The following CDKL5 variants were observed in gnomAD, a reference collection of about 807,000 sequenced individuals.
CDKL5 encodes the protein cyclin-dependent kinase-like 5.
In CDKL5, 8 loss-of-function variants were observed where a neutral mutation model predicts 61.7. The observed-to-expected ratio is 0.13, with a 90% CI of 0.08 to 0.23. CDKL5 has a LOEUF of 0.23. Among genes scored for constraint, CDKL5 ranks in the 10% least tolerant of loss-of-function variants. CDKL5 has a pLI of 1.00. For missense variants in CDKL5, 440 were observed against 734.5 expected, an observed-to-expected ratio of 0.60 and a Z score of 4.63; for synonymous variants, 275 against 272.3, an observed-to-expected ratio of 1.01 and a Z score of -0.10.
rs771218501 is a variant in CDKL5, at chrX:18,631,353, C to T, written c.*2596C>T. The T allele has an allele frequency of 1.3e-6, 1 of 752,935 alleles. No individual in the cohort carries two copies. Among genetic ancestry groups the T allele is most frequent in the Admixed American group, 8.7e-5 (1 of 11,492 alleles). The allele number at this position is 752,935 out of a possible 1,213,427, so 62.1% of individuals were successfully genotyped here. A position where few individuals can be genotyped will look rare whatever the true frequency, so the allele number is the denominator to read the frequency against. On this transcript the variant is annotated 3_prime_UTR_variant, in exon 18 of 18. Coordinates refer to ENST00000623535, the MANE Select transcript of CDKL5 (RefSeq NM_001323289.2). The stretch of plus-strand genomic sequence containing the variant: ...TCTTCTCAGCTTTTGTCTGTTCTGA[C>T]TTTTCATCCAATAAGCTGTAAGTGA...
intron 17 of CDKL5, among the ~76,000 whole-genome samples, chrX:18,625,498 T>G (rs1251439115): frequency 9.0e-6 from 1 of 111,392 alleles, no homozygotes; most frequent in Non-Finnish European, 1.9e-5. Flanking sequence ...CAACTGAAGA[T>G]GTAGTCCCAG....
intron 15 of CDKL5, among the ~76,000 whole-genome samples, chrX:18,618,799 T>C (rs1261280798): frequency 9.0e-6 from 1 of 110,578 alleles, no homozygotes; most frequent in Non-Finnish European, 1.9e-5. Context: ...TAAAACCCTG[T>C]CTCTACTGAA....
intron 3 of CDKL5, among the ~76,000 whole-genome samples, chrX:18,518,385 CTTATTTTTTTTTTTTTTT>C (rs1923110372): frequency 1.8e-4 from 4 of 22,794 alleles, no homozygotes; most frequent in African/African-American, 6.1e-4. Context: ...CTTTTCTTTT[CTTATTTTTTTTTTTTTTT>C]TTTTTTTTTT....
intron 3 of CDKL5, among the ~76,000 whole-genome samples, chrX:18,523,275 ACT>A (rs756815953): frequency 6.3e-5 from 7 of 110,373 alleles, no homozygotes; most frequent in Non-Finnish European, 1.1e-4. Context: ...TTAAGCAATA[ACT>A]CTCTAATTCC....
chrX:18,554,881 G>A (rs1037814580), intron 3 of CDKL5, among the ~76,000 whole-genome samples: 2 of 110,801 alleles, frequency 1.8e-5, no homozygotes, highest in Admixed American at 1.9e-4. Context: ...TTCTTTCATA[G>A]CATATTAATC....
intron 1 of CDKL5, among the ~76,000 whole-genome samples, chrX:18,461,462 G>T (rs1469723772): frequency 1.8e-5 from 2 of 111,984 alleles, no homozygotes; most frequent in African/African-American, 6.5e-5. Flanking sequence ...TCATTCAAAA[G>T]ACCTTAAAAG....
chrX:18,570,064 A>T (rs1179956321), intron 4 of CDKL5, among the ~76,000 whole-genome samples: 1 of 111,507 alleles, frequency 9.0e-6, no homozygotes, highest in African/African-American at 3.3e-5. Flanking sequence ...GTTTACCCAG[A>T]CACTGGAAAG....
chrX:18,452,560 G>A (rs772438410), intron 1 of CDKL5, among the ~76,000 whole-genome samples: 60 of 109,825 alleles, frequency 5.5e-4, no homozygotes, highest in African/African-American at 1.7e-3. Flanking sequence ...CAAGTAGCTG[G>A]GATTACAGGC....
chrX:18,590,945 C>T (rs1044828974), intron 9 of CDKL5, among the ~76,000 whole-genome samples: 5 of 111,560 alleles, frequency 4.5e-5, no homozygotes, highest in Admixed American at 2.9e-4. Flanking sequence ...CCATTCCCCC[C>T]ATTCTCCAGA....
At chrX:18,561,761 G>T (rs917920068) in intron 3 of CDKL5, among the ~76,000 whole-genome samples, 1 of 110,492 alleles carries the variant, frequency 9.1e-6, no homozygotes, top group African/African-American at 3.3e-5. Flanking sequence ...TTAGTGTTTA[G>T]AAATTATATT....
At chrX:18,573,330 C>T (rs1925192400) in intron 4 of CDKL5, among the ~76,000 whole-genome samples, 1 of 111,760 alleles carries the variant, frequency 8.9e-6, no homozygotes, top group Admixed American at 9.5e-5. Flanking sequence ...AGTTTGATTA[C>T]CCCAACCTTG....
intron 19 of CDKL5, chrX:18,645,896 C>T (rs1927750477): frequency 8.6e-7 from 1 of 1,163,479 alleles, no homozygotes; most frequent in Non-Finnish European, 1.2e-6. Context: ...GGCCCCCTAA[C>T]CAAACTCTGG....
intron 3 of CDKL5, among the ~76,000 whole-genome samples, chrX:18,544,507 G>A (rs1249096336): frequency 9.0e-6 from 1 of 111,523 alleles, no homozygotes; most frequent in Non-Finnish European, 1.9e-5. Context: ...GATTTTCTCC[G>A]GAGGAAATTG....
intron 1 of CDKL5, among the ~76,000 whole-genome samples, chrX:18,473,776 G>T (rs1344012399): frequency 9.5e-6 from 1 of 105,678 alleles, no homozygotes; most frequent in Non-Finnish European, 1.9e-5. Flanking sequence ...CAGTGGCGCC[G>T]ATTTCGGCTC....
In CDKL5 at chrX:18,633,666, G is replaced by A. The variant is rs1927295459; in HGVS notation, c.*4909G>A. 1 of 753,073 alleles carries A rather than the reference G, an allele frequency of 1.3e-6. No individual in the cohort carries two copies. Among genetic ancestry groups the A allele is most frequent in the African/African-American group, 2.3e-5 (1 of 43,320 alleles). 62.1% of individuals were successfully genotyped at this position (753,073 alleles called of 1,213,427 possible). On this transcript the variant is annotated 3_prime_UTR_variant, in exon 18 of 18. Coordinates refer to ENST00000623535, the MANE Select transcript of CDKL5 (RefSeq NM_001323289.2). ...CAATGTGGGAGAAGTGGGGTGGCTAGGAAACTCTGGGCCTGCTGCCCCCTT... is the reference window on the plus strand; with the variant it reads ...CAATGTGGGAGAAGTGGGGTGGCTAAGAAACTCTGGGCCTGCTGCCCCCTT...
At chrX:18,547,283 TC>T (rs1220231372) in intron 3 of CDKL5, among the ~76,000 whole-genome samples, 1 of 112,181 alleles carries the variant, frequency 8.9e-6, no homozygotes, top group Non-Finnish European at 1.9e-5. Context: ...AGGGAGCTTT[TC>T]CTTACAAATT....
downstream of CDKL5, among the ~76,000 whole-genome samples, chrX:18,642,628 G>C (rs1927624861): frequency 8.9e-6 from 1 of 112,385 alleles, no homozygotes; most frequent in Non-Finnish European, 1.9e-5. Context: ...TCCAAAGTAG[G>C]GCTCAAGTGA....
chrX:18,641,989 G>A (rs759620016), downstream of CDKL5: 239 of 1,208,680 alleles, frequency 2.0e-4, 1 homozygote, highest in African/African-American at 3.5e-5. Context: ...GGCAGGCGCC[G>A]AGCTGAGGCA....
chrX:18,628,920 G>A lies in CDKL5; in HGVS notation c.*163G>A, dbSNP rs988194815. ...ATGTGTTGGGGCCGTTGAGCTCCTC[G>A]CGGCCACAAATGCTAGTCAGGGATC... On this transcript the variant is annotated 3_prime_UTR_variant, in exon 18 of 18. Transcript: ENST00000623535. The A allele has an allele frequency of 3.8e-6, 4 of 1,054,011 alleles. No homozygotes were observed. Among genetic ancestry groups the A allele is most frequent in the African/African-American group, 3.8e-5 (2 of 52,492 alleles). The allele number at this position is 1,054,011 out of a possible 1,213,427, so 86.9% of individuals were successfully genotyped here.
Sources: allele counts gnomAD v4.1 joint callset (sites outside exome capture counted in the v4.1 genomes callset), GRCh38; gene constraint gnomAD v4.1.1; transcripts MANE v1.5; gene names NCBI Gene and HGNC (gene_info 2026-07-23, HGNC 2026-07-21).